The following PDZD2 variants were observed in gnomAD, a reference collection of about 807,000 sequenced individuals.
PDZD2 encodes PDZ domain-containing protein 2.
Under a neutral mutation model 220.7 loss-of-function variants are expected in PDZD2, and 90 were observed. The observed-to-expected ratio is 0.41, with a 90% CI of 0.34 to 0.49. PDZD2 has a LOEUF of 0.49. Among genes scored for constraint, PDZD2 ranks in the 20% least tolerant of loss-of-function variants. The probability of loss-of-function intolerance (pLI) is 0.28; values close to 1 mark genes in which losing one functional copy is unlikely to be tolerated. For synonymous variants in PDZD2, 1,375 were observed against 1,450.5 expected, an observed-to-expected ratio of 0.95 and a Z score of 1.18; for missense variants, 3,174 against 3,608.5, an observed-to-expected ratio of 0.88 and a Z score of 3.08.
chr5:31,896,364 G>GTGTA (rs1289458141), intron 2 of PDZD2, among the ~76,000 whole-genome samples: 2 of 146,006 alleles, frequency 1.4e-5, no homozygotes, highest in African/African-American at 2.6e-5. Flanking sequence ...GTGTGTGTGT[G>GTGTA]TGTATGTGTG....
At chr5:32,023,252 T>C (rs1206739132) in intron 6 of PDZD2, among the ~76,000 whole-genome samples, 1 of 152,214 alleles carries the variant, frequency 6.6e-6, no homozygotes, top group East Asian at 1.9e-4. Context: ...CGGCTGTCTT[T>C]ACAGGCCCCC....
At chr5:31,908,577 C>G in intron 2 of PDZD2, 1 of 978,390 alleles carries the variant, frequency 1.0e-6, no homozygotes, top group Non-Finnish European at 1.6e-6. Context: ...CTGTCATGAA[C>G]CATCACTTTC....
intron 24 of PDZD2, chr5:32,107,435 T>G (rs1177786314): frequency 1.3e-5 from 2 of 151,974 alleles, no homozygotes; most frequent in African/African-American, 4.8e-5. Flanking sequence ...TGTATGCCTG[T>G]GGTAGCAGCT....
chr5:31,775,664 C>CGTGTGTGTGTGTGTGT (rs370394146), intron 1 of PDZD2, among the ~76,000 whole-genome samples: 8 of 135,374 alleles, frequency 5.9e-5, no homozygotes, highest in African/African-American at 8.5e-5. Context: ...ACTCACAGAG[C>CGTGTGTGTGTGTGTGT]GTGTGTGTGT....
At chr5:32,082,625 A>G (rs1399357924) in intron 19 of PDZD2, among the ~76,000 whole-genome samples, 1 of 152,144 alleles carries the variant, frequency 6.6e-6, no homozygotes, top group Non-Finnish European at 1.5e-5. Flanking sequence ...AATAAGTTAT[A>G]TTACGTGTGT....
At chr5:32,059,168 A>G (rs111454507) in intron 12 of PDZD2, 71 bp from the exon 13 acceptor site, 14 of 786,124 alleles carry the variant, frequency 1.8e-5, no homozygotes, top group African/African-American at 1.5e-4. Flanking sequence ...TCTGTTTCAA[A>G]TCAGTTACAC....
chr5:32,049,268 A>T (rs6862619), intron 8 of PDZD2, among the ~76,000 whole-genome samples: 53,201 of 151,998 alleles, frequency 0.35, 10,983 homozygotes, highest in South Asian at 0.57. Context: ...AGCATCCTCA[A>T]CCTGGTAGAA....
chr5:31,819,199 A>G (rs1467951186), intron 2 of PDZD2, among the ~76,000 whole-genome samples: 1 of 152,216 alleles, frequency 6.6e-6, no homozygotes, highest in Non-Finnish European at 1.5e-5. Flanking sequence ...CTTCTTAAAA[A>G]ATCTTAAAAA....
intron 2 of PDZD2, among the ~76,000 whole-genome samples, chr5:31,871,235 T>A (rs1738764741): frequency 6.6e-6 from 1 of 152,190 alleles, no homozygotes; most frequent in Admixed American, 6.5e-5. Flanking sequence ...ATAGATTCTT[T>A]CATTCACATT....
chr5:31,921,143 G>T (rs1744216464), intron 2 of PDZD2, among the ~76,000 whole-genome samples: 1 of 152,166 alleles, frequency 6.6e-6, no homozygotes, highest in Non-Finnish European at 1.5e-5. Flanking sequence ...GACTCACTTA[G>T]ATCCTCTGTG....
chr5:31,953,650 T>TA (rs1554013432), intron 2 of PDZD2, among the ~76,000 whole-genome samples: 6,680 of 139,080 alleles, frequency 0.048, 217 homozygotes, highest in Admixed American at 0.089. Flanking sequence ...CCCTGTCTCT[T>TA]AAAAAAAAAA....
chr5:31,919,431 C>T (rs113536796), intron 2 of PDZD2, among the ~76,000 whole-genome samples: 92 of 151,582 alleles, frequency 6.1e-4, no homozygotes, highest in African/African-American at 2.1e-3. Context: ...ACTGCACCCT[C>T]TGTCTCCCAG....
chr5:31,852,707 C>T (rs747297016), intron 2 of PDZD2, among the ~76,000 whole-genome samples: 1 of 151,998 alleles, frequency 6.6e-6, no homozygotes, highest in Admixed American at 6.6e-5. Flanking sequence ...AGCAATTCTC[C>T]TGCCTCAGCC....
chr5:31,879,590 A>G, intron 2 of PDZD2, among the ~76,000 whole-genome samples: 1 of 152,138 alleles, frequency 6.6e-6, no homozygotes, highest in East Asian at 1.9e-4. Flanking sequence ...GGTTTCAGCA[A>G]GAGGCAAACT....
chr5:32,043,859 T>C (rs890138128), intron 7 of PDZD2, among the ~76,000 whole-genome samples: 18 of 151,994 alleles, frequency 1.2e-4, no homozygotes, highest in African/African-American at 4.3e-4. Context: ...ACTCCTGACC[T>C]AAAGTGATCC....
intron 1 of PDZD2, among the ~76,000 whole-genome samples, chr5:31,723,336 T>C (rs1748915470): frequency 1.3e-5 from 2 of 151,302 alleles, no homozygotes; most frequent in Admixed American, 1.3e-4. Context: ...ATGCTAGTTT[T>C]TTGTTTTGTT....
intron 2 of PDZD2, among the ~76,000 whole-genome samples, chr5:31,927,508 C>T (rs1167059119): frequency 2.0e-5 from 3 of 152,104 alleles, no homozygotes; most frequent in Non-Finnish European, 2.9e-5. Context: ...TTCAGCCTCC[C>T]GAGTAGCTGG....
At chr5:31,774,129 G>T (rs1240878953) in intron 1 of PDZD2, among the ~76,000 whole-genome samples, 1 of 152,086 alleles carries the variant, frequency 6.6e-6, no homozygotes, top group Admixed American at 6.5e-5. Flanking sequence ...CCTAAGCCTG[G>T]TGTGGGCTGA....
At chr5:31,777,685 G>A (rs7710396) in intron 1 of PDZD2, among the ~76,000 whole-genome samples, 69,937 of 150,584 alleles carry the variant, frequency 0.46, 17,026 homozygotes, top group African/African-American at 0.58. Context: ...TGCACCAATC[G>A]GCACTCTGTA....
Sources: allele counts gnomAD v4.1 joint callset (sites outside exome capture counted in the v4.1 genomes callset), GRCh38; gene constraint gnomAD v4.1.1; transcripts MANE v1.5; gene names NCBI Gene and HGNC (gene_info 2026-07-23, HGNC 2026-07-21).